ESRRG: variants seen among roughly 807,000 people sequenced by gnomAD.
ESRRG encodes the protein estrogen related receptor gamma.
A neutral mutation model predicts 44.0 loss-of-function variants in ESRRG; 13 were observed. The ratio of observed to expected loss-of-function variants is 0.30; its 90% confidence interval spans 0.19 to 0.47. ESRRG has a LOEUF of 0.47. Ranked by LOEUF, ESRRG falls within the 20% of genes least tolerant of loss-of-function variation. ESRRG has a pLI of 1.00. For synonymous variants in ESRRG, 215 were observed against 214.6 expected (o/e 1.00, Z -0.02); for missense variants, 395 against 580.6 (o/e 0.68, Z 3.29).
intron 2 of ESRRG, among the ~76,000 whole-genome samples, chr1:216,913,301 T>C (rs2060721767): frequency 1.3e-5 from 2 of 151,894 alleles, no homozygotes; most frequent in Non-Finnish European, 2.9e-5. Flanking sequence ...ATTTAAAGTA[T>C]ATGGGAGGAT....
chr1:217,007,602 A>T (rs1452891896), intron 1 of ESRRG, among the ~76,000 whole-genome samples: 1 of 152,176 alleles, frequency 6.6e-6, no homozygotes, highest in Admixed American at 6.5e-5. Flanking sequence ...TCATTATCAG[A>T]ACAGTCTCCA....
In ESRRG at chr1:216,506,930, A is replaced by C. The variant is rs769365768; in HGVS notation, c.*9T>G. The C allele has an allele frequency of 1.2e-6, 2 of 1,611,084 alleles. No individual in the cohort carries two copies. The highest frequency in any genetic ancestry group is 1.7e-6 in the Non-Finnish European group (2 of 1,178,280). On this transcript the variant is annotated 3_prime_UTR_variant, in exon 7 of 7. Coordinates refer to ENST00000408911, the MANE Select transcript of ESRRG (RefSeq NM_001438.4). ...ACATGAAGGATGGGAAGGCCCAGGG[A>C]GCTTTTAGTCAGACCTTGGCCTCCA...
intron 2 of ESRRG, among the ~76,000 whole-genome samples, chr1:216,809,345 AAAC>A (rs2094899366): frequency 6.6e-6 from 1 of 150,814 alleles, no homozygotes; most frequent in African/African-American, 2.4e-5. Context: ...AAAAAAAAAA[AAAC>A]CCCATGAGAA....
intron 1 of ESRRG, among the ~76,000 whole-genome samples, chr1:217,005,206 A>C (rs889096417): frequency 6.6e-6 from 1 of 152,102 alleles, no homozygotes; most frequent in Non-Finnish European, 1.5e-5. Context: ...TCTTTCCCCT[A>C]TTACTTCCTC....
chr1:216,806,579 A>G (rs1197076412), intron 2 of ESRRG, among the ~76,000 whole-genome samples: 1 of 152,200 alleles, frequency 6.6e-6, no homozygotes, highest in Non-Finnish European at 1.5e-5. Context: ...CACTACTTCA[A>G]ATTAATACCC....
Position 216,610,522 on chromosome 1 carries a change from C to A in ESRRG, c.589+40451G>T, listed in dbSNP as rs2060503852. Among the ~76,000 whole-genome samples the A allele has an allele frequency of 2.0e-5, 3 of 152,056 alleles. No homozygotes were observed. The South Asian group carries it at 6.2e-4, about 32-fold the overall frequency. On this transcript the variant is annotated intron_variant, in intron 3 of 6. Coordinates refer to ENST00000408911, the MANE Select transcript of ESRRG (RefSeq NM_001438.4). Reference sequence around the variant, plus strand: ...TAGTGTTTGAGGGGAAGGTGCACTGCAGTGTAGGAGAAACAAGTTGCCTAA... The same window carrying A: ...TAGTGTTTGAGGGGAAGGTGCACTGAAGTGTAGGAGAAACAAGTTGCCTAA...
chr1:216,903,546 T>A (rs1003798809), intron 2 of ESRRG, among the ~76,000 whole-genome samples: 3 of 151,798 alleles, frequency 2.0e-5, no homozygotes, highest in Admixed American at 6.6e-5. Context: ...CTGTAAGGAA[T>A]GGAGGGTGTG....
chr1:216,832,772 T>C (rs920318848), intron 2 of ESRRG, among the ~76,000 whole-genome samples: 4 of 152,160 alleles, frequency 2.6e-5, no homozygotes, highest in African/African-American at 9.7e-5. Context: ...GAGACCAGCC[T>C]GGCCAACATG....
At chr1:216,930,789 G>A (rs1358896372) in intron 2 of ESRRG, among the ~76,000 whole-genome samples, 2 of 152,200 alleles carry the variant, frequency 1.3e-5, no homozygotes, top group African/African-American at 4.8e-5. Flanking sequence ...GCTGAGCCTT[G>A]AAAGATAAAT....
intron 1 of ESRRG, among the ~76,000 whole-genome samples, chr1:217,007,820 TAG>T (rs2077970810): frequency 6.6e-6 from 1 of 151,886 alleles, no homozygotes; most frequent in African/African-American, 2.4e-5. Context: ...TTCTAGGTGC[TAG>T]ACAGTCAAAG....
intron 2 of ESRRG, among the ~76,000 whole-genome samples, chr1:216,845,982 CTT>C (rs1167461922): frequency 5.9e-5 from 9 of 152,134 alleles, no homozygotes; most frequent in Admixed American, 1.3e-4. Flanking sequence ...CCCAGTGTCT[CTT>C]GTCTTTCTTT....
intron 1 of ESRRG, among the ~76,000 whole-genome samples, chr1:217,014,651 T>G (rs529187333): frequency 1.3e-5 from 2 of 152,320 alleles, no homozygotes; most frequent in African/African-American, 4.8e-5. Context: ...TTGGGCGACC[T>G]ATAAGCTCCA....
In ESRRG at chr1:217,001,796, A is replaced by C. The variant is rs151181184; in HGVS notation, c.-105-62123T>G. Among the ~76,000 whole-genome samples, 583 of 152,264 alleles carry C rather than the reference A, an allele frequency of 3.8e-3. 5 individuals carry two copies. The highest frequency in any genetic ancestry group is 0.013 in the African/African-American group (532 of 41,552). On this transcript the variant is annotated intron_variant, in intron 1 of 7. Transcript: ENST00000359162. ...CTACAAAGACTTTGACTTTTACTGA[A>C]GGAAATGGAGAACCATACCAGCATT...
chr1:216,707,322 T>C, intron 1 of ESRRG: 1 of 1,534,392 alleles, frequency 6.5e-7, no homozygotes, highest in East Asian at 2.4e-5. Flanking sequence ...GCAACTTTGG[T>C]GATCAAGTCT....
chr1:216,780,805 G>A (rs757659506), intron 2 of ESRRG, among the ~76,000 whole-genome samples: 5 of 152,026 alleles, frequency 3.3e-5, no homozygotes, highest in Non-Finnish European at 7.4e-5. Context: ...AGACCTGTGT[G>A]CATTCTCACG....
intron 2 of ESRRG, chr1:216,865,159 T>C (rs3013113): frequency 9.3e-6 from 1 of 107,264 alleles, no homozygotes; most frequent in Middle Eastern, 8.3e-3. Flanking sequence ...AGGTTTCCAA[T>C]AGACTTCAAC....
At chr1:216,642,612 G>C (rs1018162507) in intron 3 of ESRRG, among the ~76,000 whole-genome samples, 2 of 152,110 alleles carry the variant, frequency 1.3e-5, no homozygotes, top group Non-Finnish European at 2.9e-5. Flanking sequence ...AACAGAGAGT[G>C]CAAGAAATAC....
chr1:216,930,000 C>T (rs959060832), intron 2 of ESRRG, among the ~76,000 whole-genome samples: 3 of 152,266 alleles, frequency 2.0e-5, no homozygotes, highest in Admixed American at 6.5e-5. Context: ...TTAGTCACCA[C>T]CTGATTTCAT....
chr1:216,803,162 T>A (rs2094678117), intron 2 of ESRRG, among the ~76,000 whole-genome samples: 3 of 152,088 alleles, frequency 2.0e-5, no homozygotes, highest in Non-Finnish European at 4.4e-5. Context: ...GTGGGGTGGA[T>A]GTGGAGGGAA....
Sources: gnomAD v4.1 joint callset for allele counts (sites outside exome capture counted in the v4.1 genomes callset) on GRCh38, gnomAD v4.1.1 for gene constraint, MANE v1.5 for transcripts, NCBI Gene and HGNC (gene_info 2026-07-23, HGNC 2026-07-21) for gene names.